Variants in DENND1A observed in about 807,000 individuals in gnomAD.
The protein encoded by DENND1A is DENN domain containing 1A.
DENND1A carries 51 observed loss-of-function variants against 113.7 expected under a neutral mutation model. The observed-to-expected ratio is 0.45, with a 90% CI of 0.36 to 0.57. DENND1A has a LOEUF of 0.57. Ranked by LOEUF, DENND1A falls within the 20% of genes least tolerant of loss-of-function variation. The pLI is 0.00. For missense variants in DENND1A, 1,258 were observed against 1,395.9 expected, an observed-to-expected ratio of 0.90 and a Z score of 1.57; for synonymous variants, 565 against 570.8, an observed-to-expected ratio of 0.99 and a Z score of 0.14.
intron 13 of DENND1A, among the ~76,000 whole-genome samples, chr9:123,555,110 C>T (rs540043760): frequency 6.6e-6 from 1 of 152,300 alleles, no homozygotes; most frequent in Admixed American, 6.5e-5. Flanking sequence ...CATTTTGACA[C>T]TTCTTGCTGT....
chr9:123,509,102 C>T (rs2134470321), intron 13 of DENND1A, among the ~76,000 whole-genome samples: 1 of 152,266 alleles, frequency 6.6e-6, no homozygotes, highest in East Asian at 1.9e-4. Flanking sequence ...ACTAGGGGCA[C>T]TGTCTTAAAG....
chr9:123,723,131 A>G (rs1435146414), intron 5 of DENND1A, among the ~76,000 whole-genome samples: 1 of 152,230 alleles, frequency 6.6e-6, no homozygotes. Context: ...GTCAATGGAG[A>G]TAATTTTGGA....
chr9:123,745,113 T>C (rs554327936), intron 5 of DENND1A, among the ~76,000 whole-genome samples: 1 of 152,266 alleles, frequency 6.6e-6, no homozygotes, highest in African/African-American at 2.4e-5. Flanking sequence ...AAAAAATAGA[T>C]ATGAGGAAAT....
At chr9:123,466,491 G>T (rs563852515) in intron 13 of DENND1A, among the ~76,000 whole-genome samples, 1 of 152,204 alleles carries the variant, frequency 6.6e-6, no homozygotes, top group South Asian at 2.1e-4. Flanking sequence ...ATAGAGATAG[G>T]TTTTCACCAT....
At chr9:123,815,567 T>C (rs1332728717) in intron 2 of DENND1A, among the ~76,000 whole-genome samples, 5 of 152,230 alleles carry the variant, frequency 3.3e-5, no homozygotes, top group South Asian at 4.1e-4. Context: ...ACTTGCAGTA[T>C]AACATTTGCA....
Position 123,860,779 on chromosome 9 carries a change from T to C in DENND1A, c.88+18172A>G, listed in dbSNP as rs549587725. 4.3e-4 allele frequency among the ~76,000 whole-genome samples: 65 copies of C among 152,366 alleles called. No homozygotes were observed. The South Asian group carries it at 5.6e-3, about 13-fold the overall frequency. Reference sequence around the variant, plus strand: ...ACAGCAGTACATGAAAGAAAGCCTATGTCCTCCGCTTTACAGTGCTCGGCA... The same window carrying C: ...ACAGCAGTACATGAAAGAAAGCCTACGTCCTCCGCTTTACAGTGCTCGGCA... On this transcript the variant is annotated intron_variant, in intron 2 of 23. Transcript: ENST00000394215.
intron 5 of DENND1A, among the ~76,000 whole-genome samples, chr9:123,715,543 T>C (rs1409662478): frequency 6.6e-6 from 1 of 152,204 alleles, no homozygotes; most frequent in East Asian, 1.9e-4. Flanking sequence ...TTTAGCAAAC[T>C]ACCTAGAGCT....
rs1012278793 is a variant in DENND1A at position 123,458,777 on chromosome 9, C to A, written c.994-880G>T. ...GGGAGTATAAGACCAGGCTGACCAA[C>A]CTGCAGAAACCCCGTCTCTACTGAA... On this transcript the variant is annotated intron_variant, in intron 13 of 23. Coordinates refer to ENST00000394215, the MANE Select transcript of DENND1A (RefSeq NM_001352964.2). Among the ~76,000 whole-genome samples, 3 of 152,246 alleles carry A rather than the reference C, an allele frequency of 2.0e-5. No homozygotes were observed. The East Asian group carries it at 5.8e-4, about 29-fold the overall frequency.
intron 2 of DENND1A, among the ~76,000 whole-genome samples, chr9:123,842,027 A>G (rs1841913175): frequency 6.6e-6 from 1 of 152,230 alleles, no homozygotes; most frequent in Admixed American, 6.5e-5. Context: ...GAAATGTTTC[A>G]TACCTCATTC....
intron 9 of DENND1A, among the ~76,000 whole-genome samples, chr9:123,636,572 C>A (rs1311764490): frequency 1.3e-5 from 2 of 151,752 alleles, no homozygotes; most frequent in Non-Finnish European, 2.9e-5. Flanking sequence ...CCTCCTCGGC[C>A]TCCCAAATAT....
At chr9:123,855,548 G>A (rs1039653911) in intron 2 of DENND1A, among the ~76,000 whole-genome samples, 1 of 152,134 alleles carries the variant, frequency 6.6e-6, no homozygotes, top group African/African-American at 2.4e-5. Flanking sequence ...AGTAGTGAGC[G>A]ACAAAGGAGG....
In DENND1A at chr9:123,450,704, A is replaced by G. The variant is rs146298793; in HGVS notation, c.1345T>C (p.Leu449=). Residue 449 remains leucine (L), a synonymous_variant, in exon 18 of 24, where the codon TTG becomes CTG. Transcript: ENST00000394215. The stretch of plus-strand genomic sequence containing the variant: ...AGAACTTCAAGTACCTTTTGCTTCA[A>G]GCGGTTTTTCACCTCTTTTATTCCC... The part of the protein sequence containing the change: ...KMGIKEVKNR[L]KQKDIAENGC... 37 of 1,610,520 alleles carry G rather than the reference A, an allele frequency of 2.3e-5. No individual in the cohort carries two copies. In the African/African-American group the frequency reaches 2.9e-4, roughly 13 times the overall value.
At chr9:123,584,105 A>G (rs2059049741) in intron 11 of DENND1A, among the ~76,000 whole-genome samples, 1 of 151,614 alleles carries the variant, frequency 6.6e-6, no homozygotes, top group Admixed American at 6.6e-5. Flanking sequence ...CCTACTCTCC[A>G]CTCCAGGTCC....
At chr9:123,454,418 T>A (rs2047958248) in intron 16 of DENND1A, among the ~76,000 whole-genome samples, 1 of 152,206 alleles carries the variant, frequency 6.6e-6, no homozygotes, top group Admixed American at 6.5e-5. Flanking sequence ...TTGCCCATGA[T>A]CATGACAATT....
At chr9:123,903,417 G>C (rs908397148) in intron 1 of DENND1A, among the ~76,000 whole-genome samples, 1 of 151,238 alleles carries the variant, frequency 6.6e-6, no homozygotes, top group Non-Finnish European at 1.5e-5. Flanking sequence ...CCCAGCGTGA[G>C]CAACACAGAA....
chr9:123,911,125 C>G (rs1853872211), intron 1 of DENND1A, among the ~76,000 whole-genome samples: 1 of 152,002 alleles, frequency 6.6e-6, no homozygotes, highest in Admixed American at 6.6e-5. Flanking sequence ...GAATAGGTAC[C>G]TCACAAAAGA....
chr9:123,919,889 A>AG (rs1420229984), intron 1 of DENND1A, among the ~76,000 whole-genome samples: 30 of 151,448 alleles, frequency 2.0e-4, no homozygotes, highest in African/African-American at 7.3e-4. Flanking sequence ...CTCAGAAAAA[A>AG]AAAAAAAAAA....
chr9:123,401,046 C>G (rs575652182), intron 21 of DENND1A: 24 of 152,322 alleles, frequency 1.6e-4, no homozygotes, highest in African/African-American at 5.1e-4. Flanking sequence ...GGGCCAGGCA[C>G]CAAGTCCGTG....
chr9:123,874,178 T>G (rs1377177069), intron 2 of DENND1A, among the ~76,000 whole-genome samples: 1 of 139,790 alleles, frequency 7.2e-6, no homozygotes, highest in Non-Finnish European at 1.5e-5. Context: ...TAAGAGCCCA[T>G]CTCTACATAA....
Sources: gnomAD v4.1 joint callset for allele counts (sites outside exome capture counted in the v4.1 genomes callset) on GRCh38, gnomAD v4.1.1 for gene constraint, MANE v1.5 for transcripts, NCBI Gene and HGNC (gene_info 2026-07-23, HGNC 2026-07-21) for gene names.